Variants in GMDS observed in about 807,000 individuals in gnomAD.
GMDS encodes the protein GDP-mannose 4,6 dehydratase.
A neutral mutation model predicts 49.9 loss-of-function variants in GMDS; 20 were observed. The observed-to-expected ratio is 0.40, with a 90% confidence interval of 0.28 to 0.58. GMDS has a LOEUF of 0.58. Among genes scored for constraint, GMDS ranks in the 20% least tolerant of loss-of-function variants. GMDS has a pLI of 0.42. For synonymous variants in GMDS, 177 were observed against 178.6 expected (o/e 0.99, Z 0.07); for missense variants, 362 against 481.4 (o/e 0.75, Z 2.32).
chr6:1,907,065 G>A (rs1219459736), intron 7 of GMDS, among the ~76,000 whole-genome samples: 1 of 152,062 alleles, frequency 6.6e-6, no homozygotes, highest in African/African-American at 2.4e-5. Context: ...TTATTTTTCT[G>A]TCATTGTCTC....
intron 6 of GMDS, among the ~76,000 whole-genome samples, chr6:1,934,903 GAGTCAGGACA>G (rs1360810935): frequency 6.6e-6 from 1 of 152,168 alleles, no homozygotes; most frequent in African/African-American, 2.4e-5. Flanking sequence ...CACCTGTCCT[GAGTCAGGACA>G]AGTAGCCGAG....
intron 4 of GMDS, among the ~76,000 whole-genome samples, chr6:2,103,893 T>C (rs1182124193): frequency 6.6e-6 from 1 of 152,226 alleles, no homozygotes; most frequent in East Asian, 1.9e-4. Context: ...TCTTAAGCAA[T>C]ATATTTGTGC....
In GMDS at chr6:2,079,019, C is replaced by CTTTTTTTTTTTTT. The variant is rs386405902; in HGVS notation, c.345+36739_345+36751dup. 8.5e-4 allele frequency among the ~76,000 whole-genome samples: 29 copies of CTTTTTTTTTTTTT among 33,986 alleles called. 1 individual carries two copies. The highest frequency in any genetic ancestry group is 1.4e-3 in the Admixed American group (3 of 2,150). The allele number at this position is 33,986 out of a possible 152,430, so 22.3% of individuals were successfully genotyped here. A position where few individuals can be genotyped will look rare whatever the true frequency, so the allele number is the denominator to read the frequency against. ...CTTTGTCATTGCATAATGACCTTGT[C>CTTTTTTTTTTTTT]TTTTTTTTTTTTTTTTTTTTTTTTT... On this transcript the variant is annotated intron_variant, in intron 4 of 10. Coordinates refer to ENST00000380815, the MANE Select transcript of GMDS (RefSeq NM_001500.4).
chr6:2,224,113 ATCT>A (rs1780717045), intron 1 of GMDS, among the ~76,000 whole-genome samples: 1 of 152,182 alleles, frequency 6.6e-6, no homozygotes, highest in African/African-American at 2.4e-5. Context: ...AATTTAGAAG[ATCT>A]TATATAACAA....
chr6:1,694,694 T>G (rs1765279944), intron 9 of GMDS, among the ~76,000 whole-genome samples: 1 of 152,194 alleles, frequency 6.6e-6, no homozygotes, highest in African/African-American at 2.4e-5. Flanking sequence ...GATAAATGAG[T>G]GTGTTGGCAG....
At chr6:1,997,111 T>C (rs1209683425) in intron 4 of GMDS, among the ~76,000 whole-genome samples, 3 of 151,648 alleles carry the variant, frequency 2.0e-5, no homozygotes, top group Admixed American at 1.3e-4. Flanking sequence ...GAGGAAGGGA[T>C]GGGGTAAAGA....
chr6:1,950,798 C>T lies in GMDS; in HGVS notation c.643+9069G>A, dbSNP rs898823327. Among the ~76,000 whole-genome samples the T allele has an allele frequency of 5.9e-5, 9 of 152,282 alleles. No individual in the cohort carries two copies. In the East Asian group the frequency reaches 1.5e-3, roughly 26 times the overall value. On this transcript the variant is annotated intron_variant, in intron 6 of 10. Transcript: ENST00000380815. ...TCTGCAAGCACATTTGGAAGGATGA[C>T]ATCCTAGGGCAGAGTTTCTTATCCT...
intron 7 of GMDS, among the ~76,000 whole-genome samples, chr6:1,786,803 T>C (rs968450178): frequency 2.0e-5 from 3 of 151,938 alleles, no homozygotes; most frequent in Admixed American, 2.0e-4. Flanking sequence ...TTTGTGGTTT[T>C]TTTTTTTATC....
intron 6 of GMDS, among the ~76,000 whole-genome samples, chr6:1,931,340 GAACGTGGCTTAGCGCAAGTTCA>G (rs1473255182): frequency 6.6e-6 from 1 of 152,242 alleles, no homozygotes; most frequent in Non-Finnish European, 1.5e-5. Flanking sequence ...ATTTTGGCAA[GAACGTGGCTTAGCGCAAGTTCA>G]AACATACACC....
chr6:1,810,836 T>C (rs768938804), intron 7 of GMDS, among the ~76,000 whole-genome samples: 52 of 152,210 alleles, frequency 3.4e-4, no homozygotes, highest in Non-Finnish European at 6.5e-4. Context: ...CACCATTTAA[T>C]GATCAAAGTT....
At chr6:1,751,280 G>A (rs943227394) in intron 7 of GMDS, among the ~76,000 whole-genome samples, 13 of 152,180 alleles carry the variant, frequency 8.5e-5, no homozygotes, top group East Asian at 1.9e-4. Flanking sequence ...CTGACCGGGA[G>A]ATACCTCCTA....
rs953117671 is a variant in GMDS, at chr6:1,836,999, A to C, written c.771+93104T>G. ...CTAAAAATTCATATACAGGAAGTGG[A>C]AGTCTTTATATTTCATTTCAGTTTC... On this transcript the variant is annotated intron_variant, in intron 7 of 10. Transcript: ENST00000380815. The surrounding 1 kb of genome is among the most constrained non-coding windows in gnomAD (Gnocchi z 4.2). 6.6e-6 allele frequency among the ~76,000 whole-genome samples: 1 copy of C among 152,254 alleles called. No individual in the cohort carries two copies. Among genetic ancestry groups the C allele is most frequent in the Non-Finnish European group, 1.5e-5 (1 of 68,042 alleles).
intron 1 of GMDS, among the ~76,000 whole-genome samples, chr6:2,149,306 G>T (rs1776730357): frequency 6.6e-6 from 1 of 152,126 alleles, no homozygotes; most frequent in African/African-American, 2.4e-5. Flanking sequence ...TGAATGTAAA[G>T]AGAACAAGGT....
rs1769708796 is a variant in GMDS at position 1,795,634 on chromosome 6, T to C, written c.772-53048A>G. Among the ~76,000 whole-genome samples the C allele has an allele frequency of 2.0e-5, 3 of 152,338 alleles. No homozygotes were observed. The South Asian group carries it at 6.2e-4, about 32-fold the overall frequency. On this transcript the variant is annotated intron_variant, in intron 7 of 10. Coordinates refer to ENST00000380815, the MANE Select transcript of GMDS (RefSeq NM_001500.4). ...TGGGCAAATCAGGAGGAAATATGCT[T>C]TGAATGCAAATAAAATTTAAAGATT... is the stretch of plus-strand genomic sequence containing the variant.
At chr6:1,997,262 C>A (rs1459258646) in intron 4 of GMDS, among the ~76,000 whole-genome samples, 2 of 152,004 alleles carry the variant, frequency 1.3e-5, no homozygotes, top group African/African-American at 4.8e-5. Context: ...GTAATCACAG[C>A]ACTTTGGGAG....
chr6:1,867,409 G>C (rs954375423), intron 7 of GMDS, among the ~76,000 whole-genome samples: 1 of 152,172 alleles, frequency 6.6e-6, no homozygotes, highest in African/African-American at 2.4e-5. Context: ...GGTAACGATC[G>C]GTAGGATGAT....
chr6:1,723,496 T>A (rs1036651707), intron 9 of GMDS, among the ~76,000 whole-genome samples: 1 of 151,966 alleles, frequency 6.6e-6, no homozygotes, highest in African/African-American at 2.4e-5. Flanking sequence ...CCGGCTAATT[T>A]TTTGTATCTT....
rs138663335 is a variant in GMDS, at chr6:1,893,922, G to A, written c.771+36181C>T. Among the ~76,000 whole-genome samples, 3 of 152,312 alleles carry A rather than the reference G, an allele frequency of 2.0e-5. No homozygotes were observed. In the East Asian group the frequency reaches 5.8e-4, roughly 29 times the overall value. ...TCTTTGCCCAGCCCCGCTGGCAGGA[G>A]GCGCTCCTGAGTTAGATAAGAAAGA... On this transcript the variant is annotated intron_variant, in intron 7 of 10. Transcript: ENST00000380815.
chr6:1,981,217 C>T (rs1322382203), intron 4 of GMDS, among the ~76,000 whole-genome samples: 1 of 145,854 alleles, frequency 6.9e-6, no homozygotes, highest in Non-Finnish European at 1.5e-5. Context: ...AAGACAGAGA[C>T]ATGAAAAAAC....
Sources: allele counts gnomAD v4.1 joint callset (sites outside exome capture counted in the v4.1 genomes callset), GRCh38; gene constraint gnomAD v4.1.1; non-coding constraint Gnocchi (gnomAD v3.1); transcripts MANE v1.5; gene names NCBI Gene and HGNC (gene_info 2026-07-23, HGNC 2026-07-21).